The following TPR variants were observed in gnomAD, a reference collection of about 807,000 sequenced individuals.
TPR encodes translocated promoter region, nuclear basket protein, also known as nucleoprotein TPR.
Under a neutral mutation model 316.1 loss-of-function variants are expected in TPR, and 51 were observed. The ratio of observed to expected loss-of-function variants is 0.16; its 90% confidence interval spans 0.13 to 0.20. The LOEUF is 0.20. Among genes scored for constraint, TPR ranks in the 10% least tolerant of loss-of-function variants. TPR has a pLI of 1.00. For synonymous variants in TPR, 981 were observed against 914.7 expected, an observed-to-expected ratio of 1.07 and a Z score of -1.31; for missense variants, 2,272 against 2,754.8, an observed-to-expected ratio of 0.82 and a Z score of 3.92.
chr1:186,348,249 G>T (rs937701708), intron 21 of TPR, among the ~76,000 whole-genome samples: 9 of 152,116 alleles, frequency 5.9e-5, no homozygotes, highest in African/African-American at 2.2e-4. Context: ...CTGGGGGGAG[G>T]TCTATGAACA....
At position 186,361,831 on chromosome 1, in the gene TPR, G is replaced by A. The variant is rs779630198; in HGVS notation, c.828C>T (p.His276=). 6.2e-7 allele frequency: 1 copy of A among 1,613,018 alleles called. No homozygotes were observed. Among genetic ancestry groups the A allele is most frequent in the South Asian group, 1.1e-5 (1 of 91,050 alleles). The part of the protein sequence containing the change: ...EQQASMEEKF[H]NELNAHIKLS... ...GTTTTATGTGGGCATTTAATTCATT[G>A]TGGAATTTCTCTTCCATACTGGCCT... Residue 276 remains histidine (H), a synonymous_variant, in exon 8 of 51, where the codon CAC becomes CAT. Transcript: ENST00000367478.
At position 186,341,275 on chromosome 1, in the gene TPR, C is replaced by G. The variant is rs371859287; in HGVS notation, c.3865G>C (p.Asp1289His). The change falls in exon 28 of 51, where the codon GAT (aspartate) becomes CAT (histidine). Residue 1289 changes from aspartate (D) to histidine (H), a missense_variant. Asp to His is a moderately conservative substitution (Grantham distance 81). Around this residue, in one of 10 missense-constraint regions of TPR, gnomAD observed 757 missense variants for 859.8 expected, o/e 0.88. Coordinates refer to ENST00000367478, the MANE Select transcript of TPR (RefSeq NM_003292.3). The stretch of plus-strand genomic sequence containing the variant: ...ACCTTTGCTTGCATTTGCTGTAGAT[C>G]CTGTTCTAGTCTCTCCTTCTCTTCT... ...LREEKERLEQ[D>H]LQQMQAKVRK... 4.1e-5 allele frequency: 66 copies of G among 1,613,844 alleles called. No homozygotes were observed. Among genetic ancestry groups the G allele is most frequent in the Non-Finnish European group, 5.4e-5 (64 of 1,180,002 alleles).
chr1:186,362,087 C>A (rs1215688029), intron 7 of TPR, among the ~76,000 whole-genome samples: 1 of 151,870 alleles, frequency 6.6e-6, no homozygotes, highest in Non-Finnish European at 1.5e-5. Flanking sequence ...AACCCATACT[C>A]ATTTTTTAGA....
chr1:186,355,569 G>A lies in TPR; in HGVS notation c.2023-11C>T, dbSNP rs748323885. On this transcript the variant is annotated splice_polypyrimidine_tract_variant and intron_variant, in intron 16 of 50. Coordinates refer to ENST00000367478, the MANE Select transcript of TPR (RefSeq NM_003292.3). ...AAAAATTTCCTGCAACTAAATATTG[G>A]AGATTATGAGAAGGTAACACTGTGT... The A allele has an allele frequency of 6.2e-7, 1 of 1,611,840 alleles. No homozygotes were observed. The highest frequency in any genetic ancestry group is 2.2e-5 in the East Asian group (1 of 44,842).
At chr1:186,356,677 A>C in intron 14 of TPR, 1 of 429,496 alleles carries the variant, frequency 2.3e-6, no homozygotes, top group Non-Finnish European at 4.1e-6. Context: ...GTTTGTAAAA[A>C]TTAAATCAGT....
Position 186,335,377 on chromosome 1 carries a change from G to C in TPR, c.4872C>G (p.His1624Gln), listed in dbSNP as rs1265628607. The change falls in exon 34 of 51, where the codon CAC becomes CAG. Residue 1624 changes from histidine to glutamine, a missense_variant. This residue lies in a region of TPR where 109 missense variants were observed against 215.3 expected (regional missense o/e 0.51). Transcript: ENST00000367478. ...CTTGAGGCTCATCTCTCTGCTCAAG[G>C]TGTCTCTCTTGATGCTCCCTGAGTT... Reference protein sequence around the residue: ...ERELREHQERHLEQRDEPQEP... With the variant: ...ERELREHQERQLEQRDEPQEP... 6.2e-7 allele frequency: 1 copy of C among 1,613,582 alleles called. No individual in the cohort carries two copies.
In TPR at chr1:186,360,800, T is replaced by C. The variant is rs763099942; in HGVS notation, c.1064A>G (p.Asn355Ser). ...TGTGGCAGAAAGAAGGTCATTTGCA[T>C]TCTCTAATTCCTTCTCCAATCTCCC... ...KIGRLEKELE[N>S]ANDLLSATKR... The change falls in exon 10 of 51, where the codon AAT (asparagine) becomes AGT (serine). Residue 355 changes from asparagine to serine, a missense_variant. Coordinates refer to ENST00000367478, the MANE Select transcript of TPR (RefSeq NM_003292.3). The C allele has an allele frequency of 4.3e-6, 7 of 1,612,948 alleles. No individual in the cohort carries two copies. In the South Asian group the frequency reaches 7.7e-5, roughly 18 times the overall value.
chr1:186,370,673 G>C (rs188904778), intron 3 of TPR, among the ~76,000 whole-genome samples: 35 of 152,120 alleles, frequency 2.3e-4, no homozygotes, highest in Admixed American at 1.1e-3. Flanking sequence ...ACTACCCTAA[G>C]GAAATGACTA....
intron 29 of TPR, among the ~76,000 whole-genome samples, chr1:186,340,601 T>C (rs1658483549): frequency 6.6e-6 from 1 of 151,842 alleles, no homozygotes; most frequent in African/African-American, 2.4e-5. Context: ...CCAGCTAATT[T>C]TTAATTTTTT....
At chr1:186,320,243 A>T in intron 46 of TPR, 69 bp downstream of exon 46, 1 of 1,307,608 alleles carries the variant, frequency 7.6e-7, no homozygotes, top group Non-Finnish European at 1.0e-6. Flanking sequence ...TTCCCCCCTT[A>T]AATCACATCT....
In TPR at chr1:186,355,628, T is replaced by C. The variant is rs1230702046; in HGVS notation, c.2022+7A>G. 7.4e-6 allele frequency: 12 copies of C among 1,614,020 alleles called. No individual in the cohort carries two copies. The highest frequency in any genetic ancestry group is 9.3e-6 in the Non-Finnish European group (11 of 1,180,002). The stretch of plus-strand genomic sequence containing the variant: ...AACCTAACCCAGGACAAAGGTGTGA[T>C]CTTTACCTGTTTAAGGGCAGCCTTA... On this transcript the variant is annotated splice_region_variant and intron_variant, in intron 16 of 50. Coordinates refer to ENST00000367478, the MANE Select transcript of TPR (RefSeq NM_003292.3).
intron 1 of TPR, among the ~76,000 whole-genome samples, chr1:186,374,167 C>T (rs1659618630): frequency 6.6e-6 from 1 of 152,044 alleles, no homozygotes; most frequent in Non-Finnish European, 1.5e-5. Flanking sequence ...TAAACCAAAA[C>T]ACATTAACGG....
chr1:186,351,321 T>C lies in TPR; in HGVS notation c.2610+9A>G, dbSNP rs778811629. On this transcript the variant is annotated intron_variant, in intron 20 of 50. Coordinates refer to ENST00000367478, the MANE Select transcript of TPR (RefSeq NM_003292.3). Reference sequence around the variant, plus strand: ...ACCCTACAGAAATTCAGAACTCTGATGGACTCACATCTAGATTTCTAGTAA... The same window carrying C: ...ACCCTACAGAAATTCAGAACTCTGACGGACTCACATCTAGATTTCTAGTAA... 17 of 1,601,448 alleles carry C rather than the reference T, an allele frequency of 1.1e-5. No individual in the cohort carries two copies. The highest frequency in any genetic ancestry group is 1.4e-5 in the Non-Finnish European group (17 of 1,174,840).
intron 2 of TPR, among the ~76,000 whole-genome samples, chr1:186,371,710 T>C (rs756559177): frequency 1.3e-5 from 2 of 152,184 alleles, no homozygotes; most frequent in Admixed American, 6.5e-5. Context: ...AATAAGCAAA[T>C]ACATTTTAAT....
At chr1:186,360,435 GGTAA>G (rs1251226723) in intron 10 of TPR, 71 bp from the exon 11 acceptor site, 3 of 1,507,944 alleles carry the variant, frequency 2.0e-6, no homozygotes, top group African/African-American at 1.4e-5. Context: ...AATTTTTCAA[GGTAA>G]GTGACATGTA....
In TPR at chr1:186,374,819, C is replaced by A. The variant is rs752818942; in HGVS notation, c.151+59G>T. On this transcript the variant is annotated intron_variant, in intron 1 of 50. Coordinates refer to ENST00000367478, the MANE Select transcript of TPR (RefSeq NM_003292.3). ...CAGTGCCAACTTGATGGGGGAAGAC[C>A]AGACCCAAAGGGCGGGAGTCGAGCC... The A allele has an allele frequency of 4.7e-4, 721 of 1,542,062 alleles. 1 individual carries two copies. Among genetic ancestry groups the A allele is most frequent in the Non-Finnish European group, 5.9e-4 (674 of 1,136,142 alleles).
At chr1:186,332,079 G>A (rs1184569918) in intron 38 of TPR, 116 bp downstream of exon 38, 2 of 1,125,836 alleles carry the variant, frequency 1.8e-6, no homozygotes, top group East Asian at 2.7e-5. Flanking sequence ...CAATAAAAGT[G>A]TTTTCCAGAT....
chr1:186,316,063 T>A (rs1254882242), intron 49 of TPR, among the ~76,000 whole-genome samples: 2 of 151,750 alleles, frequency 1.3e-5, no homozygotes, highest in East Asian at 3.9e-4. Context: ...GACATCGTAA[T>A]TTCATATTAT....
In TPR at chr1:186,337,067, G is replaced by A; in HGVS notation, c.4452C>T (p.Asn1484=). 6.2e-7 allele frequency: 1 copy of A among 1,613,852 alleles called. No homozygotes were observed. ...GTGATTTTGATTTTGTTTCAGCTTG[G>A]TTGAGCGTTTCTTTGAGTTCCTGCA... ...QEMQELKETL[N]QAETKSKSLE... The change falls in exon 32 of 51, where the codon AAC becomes AAT. Residue 1484 remains asparagine, a synonymous_variant. Coordinates refer to ENST00000367478, the MANE Select transcript of TPR (RefSeq NM_003292.3).
Sources: gnomAD v4.1 joint callset for allele counts (sites outside exome capture counted in the v4.1 genomes callset) on GRCh38, gnomAD v4.1.1 for gene constraint, gnomAD v4.1.1 regional missense constraint, MANE v1.5 for transcripts, NCBI Gene and HGNC (gene_info 2026-07-23, HGNC 2026-07-21) for gene names.